Variants in DLC1 observed in about 807,000 individuals in gnomAD.
The protein encoded by DLC1 is rho GTPase-activating protein 7.
A neutral mutation model predicts 140.3 loss-of-function variants in DLC1; 54 were observed. The observed-to-expected ratio is 0.38, with a 90% CI of 0.31 to 0.48. The LOEUF is 0.48. Ranked by LOEUF, DLC1 falls within the 20% of genes least tolerant of loss-of-function variation. The pLI, the probability that DLC1 is intolerant of heterozygous loss-of-function variation, is 0.96. For synonymous variants in DLC1, 986 were observed against 728.1 expected, an observed-to-expected ratio of 1.35 and a Z score of -5.70; for missense variants, 2,536 against 1,907.0, an observed-to-expected ratio of 1.33 and a Z score of -6.14.
intron 1 of DLC1, among the ~76,000 whole-genome samples, chr8:13,575,173 C>A (rs1240532727): frequency 1.3e-5 from 2 of 152,138 alleles, no homozygotes; most frequent in African/African-American, 4.8e-5. Context: ...GTGTCTTATG[C>A]AATCATAAGC....
At chr8:13,295,441 C>T (rs191881418) in intron 5 of DLC1, among the ~76,000 whole-genome samples, 2 of 152,212 alleles carry the variant, frequency 1.3e-5, no homozygotes, top group Non-Finnish European at 2.9e-5. Flanking sequence ...CCACACTTCT[C>T]CTGCATTAGA....
intron 1 of DLC1, among the ~76,000 whole-genome samples, chr8:13,588,026 T>C (rs1805390081): frequency 6.6e-6 from 1 of 152,120 alleles, no homozygotes. Context: ...ATATAGGTCC[T>C]ACTTCAGCTT....
chr8:13,182,654 G>A (rs1270283311), intron 5 of DLC1, among the ~76,000 whole-genome samples: 3 of 152,040 alleles, frequency 2.0e-5, no homozygotes, highest in Non-Finnish European at 2.9e-5. Flanking sequence ...TATTTCTGAG[G>A]CCTCTGTTCT....
intron 1 of DLC1, among the ~76,000 whole-genome samples, chr8:13,591,750 A>AT: frequency 6.7e-6 from 1 of 148,310 alleles, no homozygotes; most frequent in Admixed American, 6.9e-5. Context: ...GACAGAATTC[A>AT]TGGATATGTC....
At chr8:13,157,858 T>G (rs1201450109) in intron 5 of DLC1, among the ~76,000 whole-genome samples, 1 of 152,240 alleles carries the variant, frequency 6.6e-6, no homozygotes, top group African/African-American at 2.4e-5. Context: ...TCCTCTCAAT[T>G]TCTATTTACC....
chr8:13,523,834 A>G (rs1012787536), intron 1 of DLC1, among the ~76,000 whole-genome samples: 2 of 151,956 alleles, frequency 1.3e-5, no homozygotes, highest in Non-Finnish European at 2.9e-5. Flanking sequence ...ATAACAGTAT[A>G]TTTGCAAAAT....
intron 4 of DLC1, among the ~76,000 whole-genome samples, chr8:13,361,075 T>C (rs573763251): frequency 1.3e-5 from 2 of 152,012 alleles, no homozygotes; most frequent in Non-Finnish European, 1.5e-5. Context: ...TACAAAAACA[T>C]ACAAAAAGTA....
intron 1 of DLC1, among the ~76,000 whole-genome samples, chr8:13,579,335 A>ATTTT (rs1804968067): frequency 2.2e-4 from 4 of 18,428 alleles, no homozygotes; most frequent in African/African-American, 7.6e-4. Context: ...ATATATATAT[A>ATTTT]TATATATATA....
chr8:13,411,193 A>G (rs1218231047), intron 2 of DLC1, among the ~76,000 whole-genome samples: 1 of 152,208 alleles, frequency 6.6e-6, no homozygotes, highest in Non-Finnish European at 1.5e-5. Context: ...GAATGGATAA[A>G]CAGTGGTACA....
At chr8:13,458,079 C>G (rs2117010425) in intron 2 of DLC1, among the ~76,000 whole-genome samples, 1 of 152,188 alleles carries the variant, frequency 6.6e-6, no homozygotes, top group East Asian at 1.9e-4. Context: ...GTGCTAGAAT[C>G]TAAAGCAATC....
chr8:13,292,701 A>G (rs1351850074), intron 5 of DLC1, among the ~76,000 whole-genome samples: 1 of 152,190 alleles, frequency 6.6e-6, no homozygotes, highest in African/African-American at 2.4e-5. Context: ...GAAAAATGCT[A>G]AGTGATAGAA....
chr8:13,601,645 C>CA (rs57181798), intron 1 of DLC1, among the ~76,000 whole-genome samples: 5,293 of 140,908 alleles, frequency 0.038, 190 homozygotes, highest in African/African-American at 0.095. Context: ...GGATAATAGA[C>CA]AAAAAAAAAA....
At chr8:13,436,361 T>C (rs961501353) in intron 2 of DLC1, among the ~76,000 whole-genome samples, 1 of 152,224 alleles carries the variant, frequency 6.6e-6, no homozygotes, top group African/African-American at 2.4e-5. Flanking sequence ...TTCTCGAAAA[T>C]GACATCATAT....
rs145658997 is a variant in DLC1, at chr8:13,304,232, T to G, written c.1348+1037A>C. On this transcript the variant is annotated intron_variant, in intron 5 of 17. Coordinates refer to ENST00000276297, the MANE Select transcript of DLC1 (RefSeq NM_182643.3). The stretch of plus-strand genomic sequence containing the variant: ...CAATTACTTTTGCACCAACCTGATA[T>G]TAATGCTTATGATATTAGTACATTG... Among the ~76,000 whole-genome samples, 781 of 152,302 alleles carry G rather than the reference T, an allele frequency of 5.1e-3. 4 individuals are homozygous for G. Among genetic ancestry groups the G allele is most frequent in the Non-Finnish European group, 8.2e-3 (561 of 68,016 alleles).
chr8:13,466,511 G>A (rs1799946800), intron 2 of DLC1, among the ~76,000 whole-genome samples: 1 of 152,152 alleles, frequency 6.6e-6, no homozygotes, highest in African/African-American at 2.4e-5. Context: ...ATATCTGCCA[G>A]TATCAACATT....
rs546223229 is a variant in DLC1 at position 13,138,212 on chromosome 8, G to C, written c.1349-22555C>G. Among the ~76,000 whole-genome samples, 3 of 152,294 alleles carry C rather than the reference G, an allele frequency of 2.0e-5. No homozygotes were observed. In the East Asian group the frequency reaches 5.8e-4, roughly 29 times the overall value. On this transcript the variant is annotated intron_variant, in intron 5 of 17. Transcript: ENST00000276297. ...AAAGTTGACCCTAGTGGGATGTTGA[G>C]AACTGGGGGGTTCAGGACCCCTCTG... is the stretch of plus-strand genomic sequence containing the variant.
At chr8:13,195,888 T>G (rs75881831) in intron 5 of DLC1, among the ~76,000 whole-genome samples, 2,863 of 152,264 alleles carry the variant, frequency 0.019, 85 homozygotes, top group African/African-American at 0.065. Flanking sequence ...AAATATAGAC[T>G]GTCACCTTTT....
chr8:13,247,597 G>C (rs1195037453), intron 5 of DLC1, among the ~76,000 whole-genome samples: 2 of 152,120 alleles, frequency 1.3e-5, no homozygotes, highest in Non-Finnish European at 2.9e-5. Flanking sequence ...GCACAGAATG[G>C]AGATCTAAAT....
chr8:13,555,477 G>A (rs1026425237), intron 1 of DLC1, among the ~76,000 whole-genome samples: 23 of 151,918 alleles, frequency 1.5e-4, no homozygotes, highest in African/African-American at 5.6e-4. Flanking sequence ...TATGTTTGTA[G>A]CTTTTTAATT....
Sources: allele counts gnomAD v4.1 joint callset (sites outside exome capture counted in the v4.1 genomes callset), GRCh38; gene constraint gnomAD v4.1.1; transcripts MANE v1.5; gene names NCBI Gene and HGNC (gene_info 2026-07-23, HGNC 2026-07-21).